The following GLS variants were observed in gnomAD, a reference collection of about 807,000 sequenced individuals.
The protein encoded by GLS is glutaminase kidney isoform, mitochondrial.
GLS carries 36 observed loss-of-function variants against 86.7 expected under a neutral mutation model. The observed-to-expected ratio is 0.42, with a 90% confidence interval of 0.32 to 0.55. The LOEUF is 0.55. GLS is among the 20% of genes least tolerant of loss of function. The pLI, the probability that GLS is intolerant of heterozygous loss-of-function variation, is 0.17. For synonymous variants in GLS, 317 were observed against 305.9 expected (o/e 1.04, Z -0.38); for missense variants, 528 against 833.4 (o/e 0.63, Z 4.51).
In GLS at chr2:190,935,014, A is replaced by G. The variant is rs984116734; in HGVS notation, c.1650+3377A>G. The G allele has an allele frequency of 1.7e-5, 16 of 953,518 alleles. No individual in the cohort carries two copies. In the African/African-American group the frequency reaches 2.8e-4, roughly 17 times the overall value. 59.1% of individuals were successfully genotyped at this position (953,518 alleles called of 1,614,324 possible). Reference sequence around the variant, plus strand: ...TACCCACTATTATTGGGTTTGTTTTATGCCATTATTGATTCTTGATATTCA... The same window carrying G: ...TACCCACTATTATTGGGTTTGTTTTGTGCCATTATTGATTCTTGATATTCA... On this transcript the variant is annotated intron_variant, in intron 14 of 17. Coordinates refer to ENST00000320717, the MANE Select transcript of GLS (RefSeq NM_014905.5). This position sits in a 1 kb window ranked among gnomAD's most constrained non-coding sequence, Gnocchi z 4.2.
At chr2:190,898,826 T>C (rs1688842754) in intron 3 of GLS, among the ~76,000 whole-genome samples, 1 of 152,164 alleles carries the variant, frequency 6.6e-6, no homozygotes, top group Non-Finnish European at 1.5e-5. Flanking sequence ...AGACAGGGTT[T>C]CTCCATGTTG....
In GLS at chr2:190,953,687, G is replaced by C; in HGVS notation, c.1712+61G>C. 8.7e-7 allele frequency: 1 copy of C among 1,145,518 alleles called. No individual in the cohort carries two copies. The highest frequency in any genetic ancestry group is 1.3e-5 in the South Asian group (1 of 76,654). The allele number at this position is 1,145,518 out of a possible 1,614,324, so 71.0% of individuals were successfully genotyped here. A position where few individuals can be genotyped will look rare whatever the true frequency, so the allele number is the denominator to read the frequency against. On this transcript the variant is annotated intron_variant, in intron 15 of 17. Transcript: ENST00000320717. The surrounding 1 kb of genome is among the most constrained non-coding windows in gnomAD (Gnocchi z 4.0). ...GATATTTATGAAGTTGCTTCTGGGC[G>C]AGCAGCCATTTTAAGGTTAAAGTCT...
intron 7 of GLS, among the ~76,000 whole-genome samples, chr2:190,917,593 A>G (rs115090025): frequency 1.3e-4 from 20 of 152,294 alleles, no homozygotes; most frequent in South Asian, 4.1e-4. Flanking sequence ...ACAAATCACT[A>G]TTATTGCAGC....
In GLS at chr2:190,917,090, C is replaced by T. The variant is rs187728530; in HGVS notation, c.1039-3934C>T. 1.2e-4 allele frequency among the ~76,000 whole-genome samples: 19 copies of T among 152,288 alleles called. No individual in the cohort carries two copies. In the East Asian group the frequency reaches 3.3e-3, roughly 26 times the overall value. ...TGACTCTTACTTTTATGAAAGATTT[C>T]TCTGTAGCATGCAATGCTGTTTGAC... On this transcript the variant is annotated intron_variant, in intron 7 of 17. Coordinates refer to ENST00000320717, the MANE Select transcript of GLS (RefSeq NM_014905.5).
Position 190,955,879 on chromosome 2 carries a change from T to C in GLS, c.1853+1061T>C, listed in dbSNP as rs1690848727. 6.6e-6 allele frequency among the ~76,000 whole-genome samples: 1 copy of C among 152,242 alleles called. No individual in the cohort carries two copies. Among genetic ancestry groups the C allele is most frequent in the Non-Finnish European group, 1.5e-5 (1 of 68,046 alleles). ...TTTGCATTTCTCTAATGACCAGTGATGATGATATTTTTTTCACATGTTTGT... is the reference window on the plus strand; with the variant it reads ...TTTGCATTTCTCTAATGACCAGTGACGATGATATTTTTTTCACATGTTTGT... On this transcript the variant is annotated intron_variant, in intron 17 of 17. Coordinates refer to ENST00000320717, the MANE Select transcript of GLS (RefSeq NM_014905.5). This position sits in a 1 kb window ranked among gnomAD's most constrained non-coding sequence, Gnocchi z 5.6.
At position 190,962,243 on chromosome 2, in the gene GLS, T is replaced by C. The variant is rs1424291866; in HGVS notation, c.1854-587T>C. On this transcript the variant is annotated intron_variant, in intron 17 of 17. Transcript: ENST00000320717. The surrounding 1 kb of genome is among the most constrained non-coding windows in gnomAD (Gnocchi z 4.2). Reference sequence around the variant, plus strand: ...GGAAAGGGGAGTTACTCTTCTGGTGTAGTGGTCCGATTGAGTCCATGGCTT... The same window carrying C: ...GGAAAGGGGAGTTACTCTTCTGGTGCAGTGGTCCGATTGAGTCCATGGCTT... 6.6e-6 allele frequency among the ~76,000 whole-genome samples: 1 copy of C among 152,168 alleles called. No individual in the cohort carries two copies. The highest frequency in any genetic ancestry group is 1.5e-5 in the Non-Finnish European group (1 of 68,032).
At position 190,899,106 on chromosome 2, in the gene GLS, C is replaced by G. The variant is rs933495655; in HGVS notation, c.606-1458C>G. ...AGATCAGGAATTCTATTTTTCTTTC[C>G]TCTGAGAAAGGTGTTCTTTGATGTA... On this transcript the variant is annotated intron_variant, in intron 3 of 17. Transcript: ENST00000320717. Among the ~76,000 whole-genome samples the G allele has an allele frequency of 5.9e-4, 90 of 152,166 alleles. 1 individual carries two copies. The highest frequency in any genetic ancestry group is 2.0e-3 in the African/African-American group (85 of 41,512).
intron 14 of GLS, chr2:190,933,606 AG>A: frequency 4.2e-6 from 4 of 948,100 alleles, no homozygotes; most frequent in Non-Finnish European, 5.0e-6. Flanking sequence ...ATCAATAAAA[AG>A]CTATAATGGT....
Position 190,951,535 on chromosome 2 carries a change from GTT to G in GLS, c.1651-2028_1651-2027del, listed in dbSNP as rs1690720195. ...AGAACAGGGCATCTAGAGGATAAGTGTTTGAAGGAATAGATAAAAAGTAGTCT... is the reference window on the plus strand; with the variant it reads ...AGAACAGGGCATCTAGAGGATAAGTGTGAAGGAATAGATAAAAAGTAGTCT... On this transcript the variant is annotated intron_variant, in intron 14 of 17. Transcript: ENST00000320717. This position sits in a 1 kb window ranked among gnomAD's most constrained non-coding sequence, Gnocchi z 4.2. 2.6e-5 allele frequency among the ~76,000 whole-genome samples: 4 copies of G among 152,232 alleles called. No homozygotes were observed. In the South Asian group the frequency reaches 8.3e-4, roughly 32 times the overall value.
Position 190,880,936 on chromosome 2 carries a change from G to A in GLS, c.-149G>A. 1 of 1,006,002 alleles carries A rather than the reference G, an allele frequency of 9.9e-7. No homozygotes were observed. Among genetic ancestry groups the A allele is most frequent in the Non-Finnish European group, 1.5e-6 (1 of 674,622 alleles). The allele number at this position is 1,006,002 out of a possible 1,614,324, so 62.3% of individuals were successfully genotyped here. A position where few individuals can be genotyped will look rare whatever the true frequency, so the allele number is the denominator to read the frequency against. On this transcript the variant is annotated 5_prime_UTR_variant, in exon 1 of 18. Transcript: ENST00000320717. Reference sequence around the variant, plus strand: ...AGCAGCAGCACCCGCATCCGCTGCGGGAGTCCGAGCCGGAACCACACCCAA... The same window carrying A: ...AGCAGCAGCACCCGCATCCGCTGCGAGAGTCCGAGCCGGAACCACACCCAA...
In GLS at chr2:190,951,879, A is replaced by G. The variant is rs760214323; in HGVS notation, c.1651-1686A>G. Among the ~76,000 whole-genome samples the G allele has an allele frequency of 6.6e-6, 1 of 152,220 alleles. No homozygotes were observed. The highest frequency in any genetic ancestry group is 2.4e-5 in the African/African-American group (1 of 41,458). ...CTGAAACAGTGGTTTATAACCCAGA[A>G]AAGTGCATATCAAAGTCACCTGGAG... On this transcript the variant is annotated intron_variant, in intron 14 of 17. Transcript: ENST00000320717. The surrounding 1 kb of genome is among the most constrained non-coding windows in gnomAD (Gnocchi z 4.2).
chr2:190,927,574 G>A (rs1008460297), intron 12 of GLS, 92 bp downstream of exon 12: 2 of 867,006 alleles, frequency 2.3e-6, no homozygotes, highest in East Asian at 2.7e-5. Flanking sequence ...TTCTAAAGCT[G>A]TATATTAATT....
chr2:190,944,293 A>C (rs966475884), intron 14 of GLS, among the ~76,000 whole-genome samples: 1 of 150,780 alleles, frequency 6.6e-6, no homozygotes, highest in Non-Finnish European at 1.5e-5. Flanking sequence ...GGTTTTATGT[A>C]CTTGTTTTTT....
chr2:190,963,577 A>AAGAT lies in GLS; in HGVS notation c.*593_*596dup, dbSNP rs1215335393. On this transcript the variant is annotated 3_prime_UTR_variant, in exon 18 of 18. Transcript: ENST00000320717. ...TTAGACTTTATCAGGGAATCTGTTT[A>AAGAT]AGATATGTTTGGTGACCAAAACGTA... is the stretch of plus-strand genomic sequence containing the variant. 6.5e-6 allele frequency: 1 copy of AAGAT among 152,672 alleles called. No homozygotes were observed. Among genetic ancestry groups the AAGAT allele is most frequent in the Non-Finnish European group, 1.5e-5 (1 of 68,046 alleles). 9.5% of individuals were successfully genotyped at this position (152,672 alleles called of 1,614,324 possible).
rs889126188 is a variant in GLS at position 190,897,033 on chromosome 2, CT to C, written c.605+1319del. 2.3e-4 allele frequency among the ~76,000 whole-genome samples: 34 copies of C among 146,038 alleles called. No individual in the cohort carries two copies. The highest frequency in any genetic ancestry group is 2.4e-4 in the Non-Finnish European group (16 of 65,836). On this transcript the variant is annotated intron_variant, in intron 3 of 17. Transcript: ENST00000320717. This position sits in a 1 kb window ranked among gnomAD's most constrained non-coding sequence, Gnocchi z 4.3. ...TTTTAAGTGGAAGCAGTATTTTACA[CT>C]TTTTTTTTTTAAGAGACAGAGTCTC...
At position 190,906,845 on chromosome 2, in the gene GLS, A is replaced by G. The variant is rs1689155091; in HGVS notation, c.979+1678A>G. 2.6e-5 allele frequency among the ~76,000 whole-genome samples: 4 copies of G among 152,222 alleles called. No homozygotes were observed. The South Asian group carries it at 8.3e-4, about 32-fold the overall frequency. ...CTAAAATAATAAATTTTTAAAAAAT[A>G]AATATATTACTGTTACACCAGCTTT... On this transcript the variant is annotated intron_variant, in intron 6 of 17. Transcript: ENST00000320717.
rs767043324 is a variant in GLS, at chr2:190,895,118, A to G, written c.387-34A>G. The stretch of plus-strand genomic sequence containing the variant: ...TAAAAATCCAGTAGAATGTTCATAC[A>G]AGGATTAATTTTGTGTTCTTTCTAC... On this transcript the variant is annotated intron_variant, in intron 1 of 17. Coordinates refer to ENST00000320717, the MANE Select transcript of GLS (RefSeq NM_014905.5). The surrounding 1 kb of genome is among the most constrained non-coding windows in gnomAD (Gnocchi z 4.2). The G allele has an allele frequency of 1.1e-6, 1 of 879,824 alleles. No homozygotes were observed. Among genetic ancestry groups the G allele is most frequent in the Non-Finnish European group, 1.9e-6 (1 of 528,246 alleles). The allele number at this position is 879,824 out of a possible 1,614,324, so 54.5% of individuals were successfully genotyped here.
At chr2:190,902,147 A>G in intron 5 of GLS, 121 bp downstream of exon 5, 1 of 590,718 alleles carries the variant, frequency 1.7e-6, no homozygotes, top group Non-Finnish European at 3.1e-6. Context: ...ATATAATTTC[A>G]AAAGGTAAAT....
chr2:190,931,842 C>A (rs1373409799), intron 14 of GLS, among the ~76,000 whole-genome samples: 1 of 151,842 alleles, frequency 6.6e-6, no homozygotes, highest in Non-Finnish European at 1.5e-5. Flanking sequence ...TTAATAGATA[C>A]AGATATTTAA....
Sources: allele counts gnomAD v4.1 joint callset (sites outside exome capture counted in the v4.1 genomes callset), GRCh38; gene constraint gnomAD v4.1.1; non-coding constraint Gnocchi (gnomAD v3.1); transcripts MANE v1.5; gene names NCBI Gene and HGNC (gene_info 2026-07-23, HGNC 2026-07-21).